ITFG1: variants seen among roughly 807,000 people sequenced by gnomAD.
ITFG1 encodes the protein T-cell immunomodulatory protein.
A neutral mutation model predicts 81.8 loss-of-function variants in ITFG1; 34 were observed. The ratio of observed to expected loss-of-function variants is 0.42; its 90% CI spans 0.32 to 0.55. The LOEUF is 0.55. Ranked by LOEUF, ITFG1 falls within the 20% of genes least tolerant of loss-of-function variation. ITFG1 has a pLI of 0.17. For synonymous variants in ITFG1, 285 were observed against 270.6 expected (o/e 1.05, Z -0.52); for missense variants, 672 against 755.4 (o/e 0.89, Z 1.29).
chr16:47,218,875 AT>A lies in ITFG1; in HGVS notation c.1445del (p.Asn482MetfsTer13). The A allele has an allele frequency of 5.7e-6, 9 of 1,590,466 alleles. No individual in the cohort carries two copies. Among genetic ancestry groups the A allele is most frequent in the Admixed American group, 3.5e-5 (2 of 57,970 alleles). On this transcript the variant is annotated frameshift_variant, in exon 14 of 18. Coordinates refer to ENST00000320640, the MANE Select transcript of ITFG1 (RefSeq NM_030790.5). LOFTEE classifies it high-confidence loss of function. The stretch of plus-strand genomic sequence containing the variant: ...CAATGTATCTGGTCTTACCTGATCC[AT>A]TTTTCAGATACCCATTTGCATCTAC... ...TTVDANGYLK[N>X]GSAGQLSQSA...
intron 6 of ITFG1, among the ~76,000 whole-genome samples, chr16:47,393,618 C>G (rs1203546003): frequency 6.6e-6 from 1 of 151,944 alleles, no homozygotes; most frequent in Non-Finnish European, 1.5e-5. Context: ...GTAGTTCCAG[C>G]TACTAGGGAG....
intron 8 of ITFG1, among the ~76,000 whole-genome samples, chr16:47,358,990 A>G (rs533743902): frequency 6.6e-6 from 1 of 152,200 alleles, no homozygotes; most frequent in South Asian, 2.1e-4. Context: ...TAGAGTGGTC[A>G]GGGAAGGCCT....
At chr16:47,168,271 T>A (rs1032314718) in intron 14 of ITFG1, among the ~76,000 whole-genome samples, 3 of 152,246 alleles carry the variant, frequency 2.0e-5, no homozygotes, top group African/African-American at 4.8e-5. Context: ...TTGGGCTTTT[T>A]TTTGTTGTTG....
At chr16:47,264,489 T>C (rs1378184150) in intron 10 of ITFG1, among the ~76,000 whole-genome samples, 1 of 151,448 alleles carries the variant, frequency 6.6e-6, no homozygotes, top group East Asian at 1.9e-4. Context: ...GGCCAAGCCA[T>C]CATTCATTTT....
intron 8 of ITFG1, among the ~76,000 whole-genome samples, chr16:47,324,465 G>T (rs900649541): frequency 3.3e-5 from 5 of 152,126 alleles, no homozygotes; most frequent in African/African-American, 9.7e-5. Flanking sequence ...CATAATGACA[G>T]GATCAAATTC....
intron 3 of ITFG1, among the ~76,000 whole-genome samples, chr16:47,453,576 A>T (rs1459120897): frequency 6.6e-6 from 1 of 152,238 alleles, no homozygotes; most frequent in Non-Finnish European, 1.5e-5. Flanking sequence ...TGAATTTGGG[A>T]GTATCAAGAG....
chr16:47,168,349 T>C (rs905770707), intron 14 of ITFG1, among the ~76,000 whole-genome samples: 3 of 152,136 alleles, frequency 2.0e-5, no homozygotes, highest in Admixed American at 1.3e-4. Flanking sequence ...GCAAATATTT[T>C]CTCCCTTTTC....
chr16:47,404,162 A>T (rs776151933), intron 6 of ITFG1, among the ~76,000 whole-genome samples: 4 of 152,252 alleles, frequency 2.6e-5, no homozygotes, highest in Non-Finnish European at 4.4e-5. Flanking sequence ...TGCTCTAGAG[A>T]CAACATGAAA....
At chr16:47,427,655 T>C (rs1188281396) in intron 6 of ITFG1, among the ~76,000 whole-genome samples, 2 of 139,716 alleles carry the variant, frequency 1.4e-5, no homozygotes, top group East Asian at 1.9e-4. Flanking sequence ...TCTAGGAACA[T>C]AGTAACATGT....
At chr16:47,444,323 T>A (rs764059515) in intron 5 of ITFG1, among the ~76,000 whole-genome samples, 1 of 152,204 alleles carries the variant, frequency 6.6e-6, no homozygotes, top group African/African-American at 2.4e-5. Context: ...GCAGCTAAAA[T>A]AATTTATGTT....
intron 10 of ITFG1, among the ~76,000 whole-genome samples, chr16:47,304,479 CAAT>C (rs1371582240): frequency 6.6e-6 from 1 of 152,204 alleles, no homozygotes; most frequent in Non-Finnish European, 1.5e-5. Context: ...GTGCATTTAA[CAAT>C]AAACTTTTCA....
chr16:47,307,268 T>C (rs1219973826), intron 10 of ITFG1, among the ~76,000 whole-genome samples: 7 of 151,996 alleles, frequency 4.6e-5, no homozygotes, highest in African/African-American at 1.4e-4. Flanking sequence ...ATTTAGTGTG[T>C]AAGGGTATTT....
intron 14 of ITFG1, among the ~76,000 whole-genome samples, chr16:47,168,246 T>C (rs1964917563): frequency 6.6e-6 from 1 of 152,384 alleles, no homozygotes; most frequent in African/African-American, 2.4e-5. Context: ...GTCTAGTCCT[T>C]TGTCAATTTT....
chr16:47,161,467 A>G (rs1964804573), intron 16 of ITFG1: 1 of 212,872 alleles, frequency 4.7e-6, no homozygotes, highest in Admixed American at 5.3e-5. Flanking sequence ...GTTTGAATTT[A>G]TAACTAGTAA....
chr16:47,182,815 C>T (rs531390118), intron 14 of ITFG1, among the ~76,000 whole-genome samples: 26 of 152,332 alleles, frequency 1.7e-4, no homozygotes, highest in Middle Eastern at 3.4e-3. Flanking sequence ...CCAGCGTGAG[C>T]AACGCAGAAG....
chr16:47,234,246 T>C (rs1162377264), intron 13 of ITFG1, among the ~76,000 whole-genome samples: 3 of 152,122 alleles, frequency 2.0e-5, no homozygotes, highest in Non-Finnish European at 4.4e-5. Flanking sequence ...CTAAGGGTGC[T>C]AATGGAAAAA....
At chr16:47,413,591 G>T (rs1393215958) in intron 6 of ITFG1, among the ~76,000 whole-genome samples, 1 of 152,066 alleles carries the variant, frequency 6.6e-6, no homozygotes, top group Non-Finnish European at 1.5e-5. Context: ...ATCTACTTGG[G>T]AGGCTGAAGT....
chr16:47,376,159 A>C (rs899262198), intron 6 of ITFG1, among the ~76,000 whole-genome samples: 1 of 152,010 alleles, frequency 6.6e-6, no homozygotes, highest in Non-Finnish European at 1.5e-5. Flanking sequence ...TTAGTCCTTC[A>C]AGAATATTCC....
chr16:47,208,515 G>A (rs1965527836), intron 14 of ITFG1, among the ~76,000 whole-genome samples: 1 of 152,144 alleles, frequency 6.6e-6, no homozygotes. Flanking sequence ...TAGAACAAAC[G>A]AAAGGACCTG....
Sources: allele counts gnomAD v4.1 joint callset (sites outside exome capture counted in the v4.1 genomes callset), GRCh38; gene constraint gnomAD v4.1.1; transcripts MANE v1.5; gene names NCBI Gene and HGNC (gene_info 2026-07-23, HGNC 2026-07-21).